ANO3: variants seen among roughly 807,000 people sequenced by gnomAD.
ANO3 encodes the protein anoctamin-3.
A neutral mutation model predicts 144.8 loss-of-function variants in ANO3; 99 were observed. The ratio of observed to expected loss-of-function variants is 0.68; its 90% CI spans 0.58 to 0.81. ANO3 has a LOEUF of 0.81. Among genes scored for constraint, ANO3 ranks in the 30% least tolerant of loss-of-function variants. The pLI is 0.00. For missense variants in ANO3, 905 were observed against 1,202.2 expected (o/e 0.75, Z 3.66); for synonymous variants, 414 against 392.6 (o/e 1.05, Z -0.64).
At chr11:26,386,980 C>T (rs900657858) in intron 1 of ANO3, among the ~76,000 whole-genome samples, 1 of 151,792 alleles carries the variant, frequency 6.6e-6, no homozygotes, top group South Asian at 2.1e-4. Flanking sequence ...GAGAGGGAGA[C>T]ACACTTAAGT....
intron 1 of ANO3, among the ~76,000 whole-genome samples, chr11:26,326,483 C>T (rs80323683): frequency 0.038 from 5,770 of 152,112 alleles, 383 homozygotes; most frequent in African/African-American, 0.13. Flanking sequence ...CTTTTATCAA[C>T]GAATAATGTA....
At chr11:26,632,076 C>T (rs1284329634) in intron 18 of ANO3, among the ~76,000 whole-genome samples, 4 of 151,860 alleles carry the variant, frequency 2.6e-5, no homozygotes, top group Admixed American at 6.6e-5. Flanking sequence ...CCTGTAATCC[C>T]AGCTACTTGG....
At chr11:26,229,370 T>A (rs552043741) in intron 1 of ANO3, among the ~76,000 whole-genome samples, 18 of 152,298 alleles carry the variant, frequency 1.2e-4, no homozygotes, top group African/African-American at 4.1e-4. Context: ...TTCTATGACC[T>A]TGAACAAGTC....
intron 3 of ANO3, among the ~76,000 whole-genome samples, chr11:26,460,588 G>C (rs1002033661): frequency 6.6e-6 from 1 of 152,024 alleles, no homozygotes; most frequent in Non-Finnish European, 1.5e-5. Flanking sequence ...GATCTGAAAA[G>C]ACTTCATAAA....
intron 1 of ANO3, among the ~76,000 whole-genome samples, chr11:26,418,327 A>G (rs979672332): frequency 6.6e-6 from 1 of 152,140 alleles, no homozygotes; most frequent in Non-Finnish European, 1.5e-5. Context: ...CCAATAACAG[A>G]GTGTGGCTGG....
At chr11:26,195,681 A>G (rs1851572651) in intron 1 of ANO3, among the ~76,000 whole-genome samples, 1 of 152,178 alleles carries the variant, frequency 6.6e-6, no homozygotes, top group Non-Finnish European at 1.5e-5. Flanking sequence ...TTAGACATAA[A>G]GGTCAGCCTA....
chr11:26,371,416 G>C (rs1252462963), intron 1 of ANO3, among the ~76,000 whole-genome samples: 1 of 152,240 alleles, frequency 6.6e-6, no homozygotes, highest in Non-Finnish European at 1.5e-5. Context: ...AACCTCTGCA[G>C]TGTGGAAAAG....
chr11:26,653,546 A>G (rs958601126), intron 24 of ANO3, among the ~76,000 whole-genome samples: 3 of 152,036 alleles, frequency 2.0e-5, no homozygotes, highest in Admixed American at 6.6e-5. Flanking sequence ...GTGTCTTCTT[A>G]TTTCACTCTA....
chr11:26,497,736 G>T (rs12295695), intron 4 of ANO3, among the ~76,000 whole-genome samples: 8,833 of 152,012 alleles, frequency 0.058, 510 homozygotes, highest in African/African-American at 0.15. Flanking sequence ...TGGCATTTAT[G>T]ATAGCAAGCA....
At chr11:26,589,491 G>T (rs294004) in intron 14 of ANO3, among the ~76,000 whole-genome samples, 132,272 of 151,226 alleles carry the variant, frequency 0.87, 58,150 homozygotes, top group East Asian at 0.96. Flanking sequence ...AATTCAATGG[G>T]TTTTTTGCAT....
chr11:26,423,421 T>C (rs748406323), intron 1 of ANO3, among the ~76,000 whole-genome samples: 25 of 151,270 alleles, frequency 1.7e-4, no homozygotes, highest in Non-Finnish European at 2.7e-4. Flanking sequence ...TCAAAAATTG[T>C]TTAGAATTAT....
chr11:26,509,312 C>CTTTTTTTTTTTTT (rs555426180), intron 5 of ANO3, among the ~76,000 whole-genome samples: 1 of 151,748 alleles, frequency 6.6e-6, no homozygotes, highest in African/African-American at 2.4e-5. Flanking sequence ...ACCTAAGTTA[C>CTTTTTTTTTTTTT]TTTTTTTCTT....
intron 12 of ANO3, among the ~76,000 whole-genome samples, chr11:26,552,128 C>T (rs1212186227): frequency 6.6e-6 from 1 of 151,964 alleles, no homozygotes; most frequent in East Asian, 1.9e-4. Context: ...TCTCTTTTTA[C>T]TGGAGATAAT....
chr11:26,451,063 G>C (rs1310405609), intron 3 of ANO3, among the ~76,000 whole-genome samples: 1 of 152,156 alleles, frequency 6.6e-6, no homozygotes, highest in South Asian at 2.1e-4. Context: ...TCAACATAAA[G>C]CATACAATTG....
At chr11:26,260,482 A>G (rs1217836706) in intron 1 of ANO3, among the ~76,000 whole-genome samples, 2 of 152,204 alleles carry the variant, frequency 1.3e-5, no homozygotes, top group East Asian at 3.8e-4. Flanking sequence ...AAGAGACAAT[A>G]AGCGAACAGA....
chr11:26,264,834 T>A (rs1853271703), intron 1 of ANO3, among the ~76,000 whole-genome samples: 1 of 152,170 alleles, frequency 6.6e-6, no homozygotes, highest in Middle Eastern at 3.2e-3. Context: ...CCCACCCTAA[T>A]GACTTTATTC....
chr11:26,497,484 T>C (rs1010137325), intron 4 of ANO3, among the ~76,000 whole-genome samples: 1 of 152,120 alleles, frequency 6.6e-6, no homozygotes, highest in Non-Finnish European at 1.5e-5. Flanking sequence ...GATACTATCT[T>C]ACACCAGACC....
At chr11:26,470,819 A>G (rs1470909733) in intron 4 of ANO3, among the ~76,000 whole-genome samples, 6 of 151,978 alleles carry the variant, frequency 3.9e-5, no homozygotes, top group Non-Finnish European at 8.8e-5. Flanking sequence ...AGCCATAAAT[A>G]TTATAATATC....
At chr11:26,308,536 A>G (rs1188744313), upstream of ANO3, among the ~76,000 whole-genome samples, 1 of 152,218 alleles carries the variant, frequency 6.6e-6, no homozygotes, top group Non-Finnish European at 1.5e-5. Context: ...CTGTTATTAC[A>G]TAAAACTAAT....
Sources: gnomAD v4.1 joint callset for allele counts (sites outside exome capture counted in the v4.1 genomes callset) on GRCh38, gnomAD v4.1.1 for gene constraint, MANE v1.5 for transcripts, NCBI Gene and HGNC (gene_info 2026-07-23, HGNC 2026-07-21) for gene names.